The following FBRSL1 variants were observed in gnomAD, a reference collection of about 807,000 sequenced individuals.
The protein encoded by FBRSL1 is fibrosin-1-like protein.
In FBRSL1, 51 loss-of-function variants were observed where a neutral mutation model predicts 89.6. That is an observed-to-expected ratio of 0.57 (90% CI 0.45 to 0.72). FBRSL1 has a LOEUF of 0.72. Ranked by LOEUF, FBRSL1 falls within the 30% of genes least tolerant of loss-of-function variation. FBRSL1 has a pLI of 0.00. For synonymous variants in FBRSL1, 779 were observed against 681.1 expected (o/e 1.14, Z -2.24); for missense variants, 1,618 against 1,451.8 (o/e 1.11, Z -1.86).
At chr12:132,576,394 T>C (rs1428793106) in intron 14 of FBRSL1, among the ~76,000 whole-genome samples, 1 of 152,152 alleles carries the variant, frequency 6.6e-6, no homozygotes, top group East Asian at 1.9e-4. Flanking sequence ...GGTTTCGCCA[T>C]GTTGGCCAGG....
Position 132,571,079 on chromosome 12 carries a change from G to A in FBRSL1, c.1225G>A (p.Ala409Thr), listed in dbSNP as rs2039978408. 1 of 1,347,388 alleles carries A rather than the reference G, an allele frequency of 7.4e-7. No homozygotes were observed. Among genetic ancestry groups the A allele is most frequent in the African/African-American group, 1.5e-5 (1 of 67,290 alleles). The allele number at this position is 1,347,388 out of a possible 1,614,324, so 83.5% of individuals were successfully genotyped here. ...TCTCTTGCCTCTAGATGCCAGCCTG[G>A]CGGTCTCATTCAGCCAGCCAATCAT... ...LPGHPADASL[A>T]VSFSQPIMYC... Residue 409 changes from alanine to threonine, a missense_variant, in exon 9 of 19, where the codon GCG becomes ACG. By Grantham distance (58) the Ala-to-Thr change is moderately conservative. Transcript: ENST00000680143.
intron 4 of FBRSL1, among the ~76,000 whole-genome samples, chr12:132,544,019 G>T (rs953162070): frequency 2.0e-5 from 3 of 152,152 alleles, no homozygotes; most frequent in African/African-American, 7.2e-5. Context: ...CACACCTTAG[G>T]CGTGAGGGCC....
In FBRSL1 at chr12:132,564,716, C is replaced by T. The variant is rs111622358; in HGVS notation, c.646-2765C>T. 5.5e-4 allele frequency among the ~76,000 whole-genome samples: 46 copies of T among 84,290 alleles called. 3 individuals carry two copies. Among genetic ancestry groups the T allele is most frequent in the Admixed American group, 7.9e-4 (6 of 7,554 alleles). The allele number at this position is 84,290 out of a possible 152,430, so 55.3% of individuals were successfully genotyped here. On this transcript the variant is annotated intron_variant, in intron 5 of 18. Coordinates refer to ENST00000680143, the MANE Select transcript of FBRSL1 (RefSeq NM_001367871.1). ...TTCACCGTGTTAGCCAGGATGGTCT[C>T]GATCTCCTGACCTCGTGATCCGCCC...
chr12:132,519,029 G>A (rs1207871680), intron 2 of FBRSL1, among the ~76,000 whole-genome samples: 8 of 152,250 alleles, frequency 5.3e-5, no homozygotes, highest in Non-Finnish European at 1.0e-4. Context: ...CACAATAGAA[G>A]AAGGTGGAGC....
intron 3 of FBRSL1, among the ~76,000 whole-genome samples, chr12:132,526,579 G>A (rs544645352): frequency 6.6e-6 from 1 of 152,316 alleles, no homozygotes; most frequent in East Asian, 1.9e-4. Flanking sequence ...CCCTTCAGGA[G>A]CTGACCTGTC....
chr12:132,537,494 A>G (rs1462795639), intron 4 of FBRSL1, among the ~76,000 whole-genome samples: 2 of 152,108 alleles, frequency 1.3e-5, no homozygotes, highest in Non-Finnish European at 2.9e-5. Flanking sequence ...AGATGTTCCT[A>G]TTTGTGGCAG....
chr12:132,531,790 C>A (rs1345629695), intron 4 of FBRSL1, among the ~76,000 whole-genome samples: 1 of 152,246 alleles, frequency 6.6e-6, no homozygotes, highest in Non-Finnish European at 1.5e-5. Context: ...GGCCAGCAGC[C>A]TCCCGTGTTG....
chr12:132,496,269 C>T (rs2136352005), intron 1 of FBRSL1, among the ~76,000 whole-genome samples: 1 of 152,342 alleles, frequency 6.6e-6, no homozygotes, highest in Middle Eastern at 3.4e-3. Flanking sequence ...ACGGGGAGGT[C>T]TGTCGCCAGA....
rs1435296111 is a variant in FBRSL1, at chr12:132,499,409, C to T, written c.291+8548C>T. On this transcript the variant is annotated intron_variant, in intron 1 of 18. Coordinates refer to ENST00000680143, the MANE Select transcript of FBRSL1 (RefSeq NM_001367871.1). This position sits in a 1 kb window ranked among gnomAD's most constrained non-coding sequence, Gnocchi z 4.3. ...TTCTGAGCTGTTCTGCTTTCCCTGA[C>T]AGACTTTATAAGCATTTATTGAGCA... Among the ~76,000 whole-genome samples, 1 of 152,212 alleles carries T rather than the reference C, an allele frequency of 6.6e-6. No individual in the cohort carries two copies. Among genetic ancestry groups the T allele is most frequent in the East Asian group, 1.9e-4 (1 of 5,192 alleles).
chr12:132,580,004 TG>T (rs2040634237), intron 15 of FBRSL1, among the ~76,000 whole-genome samples: 1 of 152,250 alleles, frequency 6.6e-6, no homozygotes, highest in Admixed American at 6.5e-5. Context: ...CCGCAGGCCC[TG>T]GCAATTCTTA....
chr12:132,572,370 CGT>C, intron 10 of FBRSL1, 26 bp downstream of exon 10: 1 of 1,550,054 alleles, frequency 6.5e-7, no homozygotes, highest in East Asian at 2.4e-5. Context: ...GGGCCCGGCG[CGT>C]GTCGCTGTGC....
intron 11 of FBRSL1, 36 bp from the exon 12 acceptor site, chr12:132,574,054 C>T: frequency 8.1e-7 from 1 of 1,233,898 alleles, no homozygotes; most frequent in Non-Finnish European, 1.0e-6. Context: ...CCTGGGCGGC[C>T]CCAGGCGCAC....
chr12:132,529,365 A>G (rs1263578920), intron 4 of FBRSL1, among the ~76,000 whole-genome samples: 1 of 152,190 alleles, frequency 6.6e-6, no homozygotes, highest in Non-Finnish European at 1.5e-5. Flanking sequence ...GCGCGGCCAC[A>G]GGCCAGGAGT....
chr12:132,577,032 G>A (rs1471954247), intron 15 of FBRSL1, 101 bp downstream of exon 15: 24 of 1,427,368 alleles, frequency 1.7e-5, no homozygotes, highest in African/African-American at 7.2e-5. Flanking sequence ...TCTCTGGACC[G>A]CAGCACCAGC....
At chr12:132,562,231 A>C (rs987649816) in intron 5 of FBRSL1, among the ~76,000 whole-genome samples, 1 of 152,092 alleles carries the variant, frequency 6.6e-6, no homozygotes, top group African/African-American at 2.4e-5. Context: ...GAGAGGAGAA[A>C]GCCACATGCC....
intron 4 of FBRSL1, among the ~76,000 whole-genome samples, chr12:132,537,984 GC>G (rs928159345): frequency 6.6e-6 from 1 of 152,168 alleles, no homozygotes; most frequent in African/African-American, 2.4e-5. Flanking sequence ...CGGGGGAGGG[GC>G]CGCAGAGCCC....
In FBRSL1 at chr12:132,569,915, T is replaced by G; in HGVS notation, c.692-11T>G. 7.2e-7 allele frequency: 1 copy of G among 1,381,662 alleles called. No homozygotes were observed. The highest frequency in any genetic ancestry group is 3.4e-5 in the Admixed American group (1 of 29,456). 85.6% of individuals were successfully genotyped at this position (1,381,662 alleles called of 1,614,324 possible). A position where few individuals can be genotyped will look rare whatever the true frequency, so the allele number is the denominator to read the frequency against. On this transcript the variant is annotated splice_polypyrimidine_tract_variant and intron_variant, in intron 6 of 18. Transcript: ENST00000680143. ...CCTGCTGGTCTGAACGCAGCCACCC[T>G]CTCTCTGCAGGCCCAGCGCTTGAGA... is the stretch of plus-strand genomic sequence containing the variant.
rs1435676573 is a variant in FBRSL1 at position 132,490,717 on chromosome 12, C to G, written c.147C>G (p.Leu49=). ...EPSPGKENAG[L]RGAPPRGAAP... is the part of the protein sequence containing the mutation. ...GCCCCGGCAAGGAGAACGCGGGCCT[C>G]CGCGGCGCGCCCCCCCGAGGCGCCG... The change falls in exon 1 of 19, where the codon CTC becomes CTG. Residue 49 remains leucine (L), a synonymous_variant. Coordinates refer to ENST00000680143, the MANE Select transcript of FBRSL1 (RefSeq NM_001367871.1). 3.0e-6 allele frequency: 3 copies of G among 986,356 alleles called. No homozygotes were observed. Among genetic ancestry groups the G allele is most frequent in the Non-Finnish European group, 3.6e-6 (3 of 831,306 alleles). 61.1% of individuals were successfully genotyped at this position (986,356 alleles called of 1,614,324 possible). A position where few individuals can be genotyped will look rare whatever the true frequency, so the allele number is the denominator to read the frequency against.
chr12:132,502,998 T>C (rs1199878975), intron 1 of FBRSL1, among the ~76,000 whole-genome samples: 1 of 151,754 alleles, frequency 6.6e-6, no homozygotes, highest in Non-Finnish European at 1.5e-5. Context: ...GTCTCCGACT[T>C]GTCTGCAGGT....
Sources: allele counts gnomAD v4.1 joint callset (sites outside exome capture counted in the v4.1 genomes callset), GRCh38; gene constraint gnomAD v4.1.1; non-coding constraint Gnocchi (gnomAD v3.1); transcripts MANE v1.5; gene names NCBI Gene and HGNC (gene_info 2026-07-23, HGNC 2026-07-21).